Variants in RBMX observed in about 807,000 individuals in gnomAD.
RBMX encodes the protein RNA-binding motif protein, X chromosome.
A neutral mutation model predicts 29.3 loss-of-function variants in RBMX; 1 was observed. The observed-to-expected ratio is 0.03, with a 90% CI of 0.01 to 0.16. The LOEUF is 0.16. Among genes scored for constraint, RBMX ranks in the 10% least tolerant of loss-of-function variants. The probability of loss-of-function intolerance (pLI) is 1.00; values close to 1 mark genes in which losing one functional copy is unlikely to be tolerated. For missense variants in RBMX, 121 were observed against 333.2 expected, an observed-to-expected ratio of 0.36 and a Z score of 4.96; for synonymous variants, 102 against 102.3, an observed-to-expected ratio of 1.00 and a Z score of 0.02.
intron 4 of RBMX, 99 bp downstream of exon 4, chrX:136,877,816 T>G: frequency 3.6e-6 from 3 of 834,191 alleles, no homozygotes; most frequent in Non-Finnish European, 5.0e-6. Flanking sequence ...ATTTCAAAAG[T>G]TGGCACCTTT....
At chrX:136,878,788 CTG>C (rs1569441215) in intron 3 of RBMX, among the ~76,000 whole-genome samples, 1 of 106,558 alleles carries the variant, frequency 9.4e-6, no homozygotes, top group Admixed American at 1.0e-4. Context: ...CATAATTATT[CTG>C]AACTGAGAGA....
In RBMX at chrX:136,879,468, T is replaced by TAGTA. The variant is rs1360925212; in HGVS notation, c.-26-19_-26-16dup. The TAGTA allele has an allele frequency of 8.9e-7, 1 of 1,120,519 alleles. No homozygotes were observed. Among genetic ancestry groups the TAGTA allele is most frequent in the African/African-American group, 1.9e-5 (1 of 53,874 alleles). The allele number at this position is 1,120,519 out of a possible 1,213,427, so 92.3% of individuals were successfully genotyped here. On this transcript the variant is annotated splice_polypyrimidine_tract_variant and intron_variant, in intron 1 of 8. Coordinates refer to ENST00000320676, the MANE Select transcript of RBMX (RefSeq NM_002139.4). ...GGCCGGTGAGTCTGTTGAAAAGGAA[T>TAGTA]AGTATTACCTCACTGCAAAAAGTTC...
In RBMX at chrX:136,873,595, T is replaced by C. The variant is rs2077697622; in HGVS notation, c.*547A>G. The C allele has an allele frequency of 2.6e-6, 2 of 755,645 alleles. No individual in the cohort carries two copies. The highest frequency in any genetic ancestry group is 3.1e-6 in the Non-Finnish European group (2 of 639,771). The allele number at this position is 755,645 out of a possible 1,213,427, so 62.3% of individuals were successfully genotyped here. A position where few individuals can be genotyped will look rare whatever the true frequency, so the allele number is the denominator to read the frequency against. On this transcript the variant is annotated 3_prime_UTR_variant, in exon 9 of 9. Coordinates refer to ENST00000320676, the MANE Select transcript of RBMX (RefSeq NM_002139.4). ...TGTCAGAAAGGCAAAATGGCCAGCATTATCCATTTGCTTTTTTGGGTTTAC... is the reference window on the plus strand; with the variant it reads ...TGTCAGAAAGGCAAAATGGCCAGCACTATCCATTTGCTTTTTTGGGTTTAC...
chrX:136,877,329 C>CCG (rs1556343955), intron 4 of RBMX, among the ~76,000 whole-genome samples: 1 of 27,243 alleles, frequency 3.7e-5, no homozygotes, highest in Non-Finnish European at 6.6e-5. Context: ...CTAAACTCTA[C>CCG]CCCCCCCCCC....
intron 3 of RBMX, 39 bp from the exon 4 acceptor site, chrX:136,878,125 A>ATTT: frequency 9.1e-7 from 1 of 1,094,325 alleles, no homozygotes; most frequent in Non-Finnish European, 1.2e-6. Flanking sequence ...TCAAGATTTA[A>ATTT]AAATAATTTG....
chrX:136,869,474 T>C (rs918364577), downstream of RBMX: 1 of 111,750 alleles, frequency 8.9e-6, no homozygotes, highest in Admixed American at 9.5e-5. Flanking sequence ...CTTCAAGATA[T>C]CTAAATATCT....
Position 136,879,167 on chromosome X carries a change from A to G in RBMX, c.110-44T>C, listed in dbSNP as rs748457917. ...AAAAATAAAGTGTTACCCTAGGTCAAATGAAATAACCAAAGTAAATGTGTA... is the reference window on the plus strand; with the variant it reads ...AAAAATAAAGTGTTACCCTAGGTCAGATGAAATAACCAAAGTAAATGTGTA... On this transcript the variant is annotated intron_variant, in intron 2 of 8. Transcript: ENST00000320676. 3.3e-6 allele frequency: 4 copies of G among 1,209,981 alleles called. No individual in the cohort carries two copies. The East Asian group carries it at 1.2e-4, about 36-fold the overall frequency.
chrX:136,876,168 C>T (rs2077726987), intron 5 of RBMX, among the ~76,000 whole-genome samples: 1 of 95,522 alleles, frequency 1.0e-5, no homozygotes, highest in Non-Finnish European at 2.1e-5. Context: ...TCTGTTGCCA[C>T]GCTGGAGGAC....
chrX:136,877,961 TCCTCTTCCA>T lies in RBMX; in HGVS notation c.333_341del (p.Arg113_Gly115del), dbSNP rs1231579784. 3 of 1,209,031 alleles carry T rather than the reference TCCTCTTCCA, an allele frequency of 2.5e-6. No homozygotes were observed. Reference sequence around the variant, plus strand: ...GAGGTCCCCTGGTTCCTCCACTTCCTCCTCTTCCACCTCTAAGACCTCTTGGAGGGCCTC... The same window carrying T: ...GAGGTCCCCTGGTTCCTCCACTTCCTCCTCTAAGACCTCTTGGAGGGCCTC... On this transcript the variant is annotated inframe_deletion, in exon 4 of 9. Coordinates refer to ENST00000320676, the MANE Select transcript of RBMX (RefSeq NM_002139.4).
downstream of RBMX, chrX:136,872,351 A>C: frequency 8.6e-7 from 1 of 1,160,221 alleles, no homozygotes; most frequent in Non-Finnish European, 1.2e-6. Flanking sequence ...CCAACCTGCA[A>C]AAGTTAAATA....
At chrX:136,876,697 A>ATT in intron 4 of RBMX, 42 bp from the exon 5 acceptor site, 1 of 1,087,902 alleles carries the variant, frequency 9.2e-7, no homozygotes, top group South Asian at 2.4e-5. Context: ...TACTCACAAG[A>ATT]ATCAAGAAAG....
At chrX:136,878,819 A>G (rs775478990) in intron 3 of RBMX, among the ~76,000 whole-genome samples, 198 bp downstream of exon 3, 1 of 110,344 alleles carries the variant, frequency 9.1e-6, no homozygotes, top group South Asian at 3.9e-4. Flanking sequence ...AGCATAAGAT[A>G]TAACTCACTA....
chrX:136,876,474 G>A (rs752039725), intron 5 of RBMX, 29 bp downstream of exon 5: 1 of 1,149,713 alleles, frequency 8.7e-7, no homozygotes, highest in South Asian at 2.0e-5. Context: ...TACGGTAGTA[G>A]CATAAATCAT....
intron 4 of RBMX, among the ~76,000 whole-genome samples, chrX:136,877,016 TAA>T (rs935484175): frequency 9.3e-6 from 1 of 107,561 alleles, no homozygotes; most frequent in African/African-American, 3.4e-5. Context: ...TCGGCCACTA[TAA>T]AAGTTTTCTT....
chrX:136,871,366 C>T (rs1169912696), downstream of RBMX, among the ~76,000 whole-genome samples: 7 of 103,192 alleles, frequency 6.8e-5, no homozygotes, highest in African/African-American at 1.8e-4. Context: ...ATGGCGTGAA[C>T]CCGGGAGGCA....
intron 8 of RBMX, 188 bp from the exon 9 acceptor site, chrX:136,874,640 T>G: frequency 1.9e-6 from 1 of 525,915 alleles, no homozygotes; most frequent in Non-Finnish European, 3.0e-6. Context: ...TTGGATTCAT[T>G]TTAATGTTTG....
At chrX:136,872,662 G>A (rs1375250513), downstream of RBMX, 1 of 218,526 alleles carries the variant, frequency 4.6e-6, no homozygotes, top group African/African-American at 2.9e-5. Context: ...TTTAGTTGGA[G>A]GTCTTCAAGT....
chrX:136,873,156 T>C (rs1463830847), downstream of RBMX: 1 of 111,610 alleles, frequency 9.0e-6, no homozygotes, highest in African/African-American at 3.3e-5. Flanking sequence ...GCATTTCCAT[T>C]GCCTTGAGGT....
rs369155069 is a variant in RBMX, at chrX:136,878,137, A to G, written c.217-51T>C. The G allele has an allele frequency of 2.9e-6, 3 of 1,040,047 alleles. No individual in the cohort carries two copies. In the African/African-American group the frequency reaches 5.7e-5, roughly 20 times the overall value. 85.7% of individuals were successfully genotyped at this position (1,040,047 alleles called of 1,213,427 possible). ...AAATCAAGATTTAAAAATAATTTGC[A>G]CATCTACTATGCACTAAGACACTAA... On this transcript the variant is annotated intron_variant, in intron 3 of 8. Coordinates refer to ENST00000320676, the MANE Select transcript of RBMX (RefSeq NM_002139.4).
Sources: gnomAD v4.1 joint callset for allele counts (sites outside exome capture counted in the v4.1 genomes callset) on GRCh38, gnomAD v4.1.1 for gene constraint, MANE v1.5 for transcripts, NCBI Gene and HGNC (gene_info 2026-07-23, HGNC 2026-07-21) for gene names.